The following AGR3 variants were observed in gnomAD, a reference collection of about 807,000 sequenced individuals.
The protein encoded by AGR3 is anterior gradient 3, protein disulphide isomerase family member, also known as anterior gradient protein 3.
In AGR3, 37 loss-of-function variants were observed where a neutral mutation model predicts 24.5. That is an observed-to-expected ratio of 1.51 (90% CI 1.16 to 1.99). AGR3 has a LOEUF of 1.99. AGR3 is among the 30% of genes most tolerant of loss of function. The pLI, the probability that AGR3 is intolerant of heterozygous loss-of-function variation, is 0.00. For missense variants in AGR3, 228 were observed against 191.1 expected (o/e 1.19, Z -1.14); for synonymous variants, 75 against 61.6 (o/e 1.22, Z -1.02).
intron 2 of AGR3, among the ~76,000 whole-genome samples, chr7:16,874,064 C>A (rs1396453288): frequency 2.6e-5 from 4 of 152,138 alleles, no homozygotes; most frequent in Admixed American, 6.5e-5. Flanking sequence ...AACCTCGAGG[C>A]CCATGGCCTT....
chr7:16,857,397 G>T (rs968889918), downstream of AGR3, among the ~76,000 whole-genome samples: 40 of 152,156 alleles, frequency 2.6e-4, no homozygotes, highest in African/African-American at 9.4e-4. Flanking sequence ...GCTAACTGAA[G>T]AAAGATAAGT....
intron 3 of AGR3, chr7:16,864,932 A>C (rs1781725983): frequency 2.1e-6 from 2 of 951,078 alleles, no homozygotes; most frequent in East Asian, 4.8e-5. Flanking sequence ...TCCATGAAGA[A>C]GTCTATGTAG....
chr7:16,863,660 A>G (rs1356403331), intron 3 of AGR3, among the ~76,000 whole-genome samples: 2 of 152,030 alleles, frequency 1.3e-5, no homozygotes, highest in Non-Finnish European at 2.9e-5. Context: ...AAACAAAAAT[A>G]CTAGCACACA....
intron 3 of AGR3, among the ~76,000 whole-genome samples, chr7:16,868,142 C>G (rs1403164176): frequency 1.3e-5 from 2 of 149,936 alleles, no homozygotes; most frequent in African/African-American, 4.9e-5. Context: ...TTTTCATCTA[C>G]CTGTTGGCCC....
chr7:16,875,986 T>C (rs888496909), intron 2 of AGR3, among the ~76,000 whole-genome samples: 3 of 152,210 alleles, frequency 2.0e-5, no homozygotes, highest in Admixed American at 2.0e-4. Flanking sequence ...CATTCAATGA[T>C]GGAGCATTAG....
Position 16,860,493 on chromosome 7 carries a change from T to C in AGR3, c.451+7A>G, listed in dbSNP as rs1019834871. 6.2e-7 allele frequency: 1 copy of C among 1,604,168 alleles called. No individual in the cohort carries two copies. Among genetic ancestry groups the C allele is most frequent in the Non-Finnish European group, 8.5e-7 (1 of 1,170,956 alleles). On this transcript the variant is annotated splice_region_variant and intron_variant, in intron 7 of 7. Transcript: ENST00000310398. ...ACCACTGTTTGAGATCATTTGTGAA[T>C]ACTTACATAGGGGTAAATCCCGAGG...
intron 3 of AGR3, chr7:16,865,791 C>A (rs1781747954): frequency 1.3e-6 from 1 of 749,152 alleles, no homozygotes; most frequent in Non-Finnish European, 2.5e-6. Flanking sequence ...TCCTTGAAAT[C>A]ATCTTTTTGG....
chr7:16,861,858 G>A (rs1018709757), intron 5 of AGR3, 126 bp downstream of exon 5: 24 of 789,394 alleles, frequency 3.0e-5, no homozygotes, highest in Middle Eastern at 3.9e-4. Context: ...CCCAGATTAC[G>A]CCACTGCACT....
intron 3 of AGR3, chr7:16,864,193 C>A: frequency 1.1e-6 from 1 of 908,846 alleles, no homozygotes; most frequent in African/African-American, 1.7e-5. Flanking sequence ...AGTATATTAA[C>A]TCTGCTGAAG....
At chr7:16,880,452 C>T (rs1288186449) in intron 1 of AGR3, among the ~76,000 whole-genome samples, 1 of 151,288 alleles carries the variant, frequency 6.6e-6, no homozygotes, top group Non-Finnish European at 1.5e-5. Flanking sequence ...TGAGCTACAT[C>T]GCCCGGACTC....
At chr7:16,878,730 C>G in intron 1 of AGR3, 85 bp from the exon 2 acceptor site, 1 of 988,152 alleles carries the variant, frequency 1.0e-6, no homozygotes, top group Non-Finnish European at 1.5e-6. Context: ...TGGACCAATA[C>G]TGTGATGACA....
At chr7:16,866,953 T>C (rs1781769403) in intron 3 of AGR3, among the ~76,000 whole-genome samples, 1 of 152,136 alleles carries the variant, frequency 6.6e-6, no homozygotes, top group South Asian at 2.1e-4. Context: ...CTTTTTCTTT[T>C]ATCTTCTCCT....
chr7:16,878,602 G>A lies in AGR3; in HGVS notation c.17C>T (p.Ala6Val). Residue 6 changes from alanine (A) to valine (V), a missense_variant, in exon 2 of 8, where the codon GCT (alanine) becomes GTT (valine). Physicochemically the swap from Ala to Val is moderately conservative, Grantham distance 64. Coordinates refer to ENST00000310398, the MANE Select transcript of AGR3 (RefSeq NM_176813.5). ...GACGAGTAAGAGGCAGAGACCCAAA[G>A]CTGAGTGTAGCATCATGTCTTCTAG... MMLHS[A>V]LGLCLLLVTV... 1.2e-6 allele frequency: 2 copies of A among 1,614,096 alleles called. No individual in the cohort carries two copies. The highest frequency in any genetic ancestry group is 1.7e-6 in the Non-Finnish European group (2 of 1,179,988).
At chr7:16,861,496 GAT>G (rs751332804) in intron 5 of AGR3, 49 bp from the exon 6 acceptor site, 2 of 1,500,328 alleles carry the variant, frequency 1.3e-6, no homozygotes, top group East Asian at 4.5e-5. Context: ...ATTTGTTTTT[GAT>G]AGTTTCAAGA....
chr7:16,877,740 G>A (rs1422374466), intron 2 of AGR3, among the ~76,000 whole-genome samples: 1 of 151,892 alleles, frequency 6.6e-6, no homozygotes. Context: ...GCGGGCGCCT[G>A]TAGTCCCAGC....
Position 16,862,651 on chromosome 7 carries a change from A to G in AGR3, c.185T>C (p.Leu62Ser). ...LFYAQKSKKP[L>S]MVIHHLEDCQ... ...ATCCTCCAGGTGATGAATAACCATT[A>G]ATGGCTTCTTACTAAACAAAGAAAG... Residue 62 changes from leucine (L) to serine (S), a missense_variant, in exon 4 of 8, where the codon TTA becomes TCA. Coordinates refer to ENST00000310398, the MANE Select transcript of AGR3 (RefSeq NM_176813.5). 6.4e-7 allele frequency: 1 copy of G among 1,553,176 alleles called. No homozygotes were observed. Among genetic ancestry groups the G allele is most frequent in the Non-Finnish European group, 8.6e-7 (1 of 1,156,406 alleles).
At chr7:16,865,234 A>G (rs776793379) in intron 3 of AGR3, 6 of 794,994 alleles carry the variant, frequency 7.5e-6, no homozygotes, top group African/African-American at 1.7e-5. Flanking sequence ...GATTTTAAAG[A>G]CATTCTTTTT....
At chr7:16,878,434 T>C in intron 2 of AGR3, 76 bp downstream of exon 2, 7 of 1,281,426 alleles carry the variant, frequency 5.5e-6, no homozygotes, top group Non-Finnish European at 7.8e-6. Flanking sequence ...ATAATTAGAC[T>C]ATGAGTGAAG....
Position 16,861,387 on chromosome 7 carries a change from C to CA in AGR3, c.363dup (p.Val122CysfsTer8). On this transcript the variant is annotated frameshift_variant, in exon 6 of 8. Coordinates refer to ENST00000310398, the MANE Select transcript of AGR3 (RefSeq NM_176813.5). LOFTEE classifies it high-confidence loss of function. ...TGAAATGAGATCACATACATACCTA[C>CA]AAACATGATTCTAGGCACATATTGC... The CA allele has an allele frequency of 6.2e-7, 1 of 1,606,650 alleles. No homozygotes were observed. Among genetic ancestry groups the CA allele is most frequent in the Non-Finnish European group, 8.5e-7 (1 of 1,176,038 alleles).
Sources: allele counts gnomAD v4.1 joint callset (sites outside exome capture counted in the v4.1 genomes callset), GRCh38; gene constraint gnomAD v4.1.1; transcripts MANE v1.5; gene names NCBI Gene and HGNC (gene_info 2026-07-23, HGNC 2026-07-21).